The following NSA2 variants were observed in gnomAD, a reference collection of about 807,000 sequenced individuals.
NSA2 encodes ribosome biogenesis protein NSA2 homolog.
In NSA2, 18 loss-of-function variants were observed where a neutral mutation model predicts 34.8. The ratio of observed to expected loss-of-function variants is 0.52; its 90% CI spans 0.36 to 0.77. The LOEUF (loss-of-function observed/expected upper bound fraction) is 0.77. Ranked by LOEUF, NSA2 falls within the 30% of genes least tolerant of loss-of-function variation. The pLI, the probability that NSA2 is intolerant of heterozygous loss-of-function variation, is 0.00. For missense variants in NSA2, 188 were observed against 314.7 expected, an observed-to-expected ratio of 0.60 and a Z score of 3.05; for synonymous variants, 79 against 100.2, an observed-to-expected ratio of 0.79 and a Z score of 1.26.
rs1243510782 is a variant in NSA2, at chr5:74,769,055, T to C, written c.128T>C (p.Ile43Thr). 2 of 1,612,302 alleles carry C rather than the reference T, an allele frequency of 1.2e-6. No individual in the cohort carries two copies. Among genetic ancestry groups the C allele is most frequent in the East Asian group, 2.2e-5 (1 of 44,864 alleles). The part of the protein sequence containing the change: ...HERSKKAKKM[I>T]GLKAKLYHKQ... The stretch of plus-strand genomic sequence containing the variant: ...CGTTCAAAGAAGGCAAAGAAAATGA[T>C]TGGTCTGAAGGCTAAGCTTTACCAT... The change falls in exon 2 of 6, where the codon ATT (isoleucine) becomes ACT (threonine). Residue 43 changes from isoleucine (I) to threonine (T), a missense_variant. Ile to Thr is a moderately conservative substitution (Grantham distance 89). Coordinates refer to ENST00000610426, the MANE Select transcript of NSA2 (RefSeq NM_014886.6).
chr5:74,776,587 G>C lies in NSA2; in HGVS notation c.716-17G>C, dbSNP rs755276767. On this transcript the variant is annotated splice_polypyrimidine_tract_variant and intron_variant, in intron 5 of 5. Coordinates refer to ENST00000610426, the MANE Select transcript of NSA2 (RefSeq NM_014886.6). Reference sequence around the variant, plus strand: ...AACAACCCTCCCTTTTCCCTTTTTTGGTTTTGTTTTCCTTAGGAAAATATG... The same window carrying C: ...AACAACCCTCCCTTTTCCCTTTTTTCGTTTTGTTTTCCTTAGGAAAATATG... The C allele has an allele frequency of 7.1e-7, 1 of 1,410,250 alleles. No individual in the cohort carries two copies. Among genetic ancestry groups the C allele is most frequent in the Non-Finnish European group, 1.0e-6 (1 of 999,806 alleles). 87.4% of individuals were successfully genotyped at this position (1,410,250 alleles called of 1,614,324 possible).
intron 4 of NSA2, among the ~76,000 whole-genome samples, chr5:74,772,563 A>C (rs1460549801): frequency 6.6e-6 from 1 of 152,238 alleles, no homozygotes; most frequent in Non-Finnish European, 1.5e-5. Flanking sequence ...CAGAGGCCAT[A>C]TGGCCTGACA....
In NSA2 at chr5:74,774,190, A is replaced by G; in HGVS notation, c.715+130A>G. 5.5e-6 allele frequency: 3 copies of G among 547,572 alleles called. No homozygotes were observed. In the South Asian group the frequency reaches 1.1e-4, roughly 20 times the overall value. 33.9% of individuals were successfully genotyped at this position (547,572 alleles called of 1,614,324 possible). A position where few individuals can be genotyped will look rare whatever the true frequency, so the allele number is the denominator to read the frequency against. On this transcript the variant is annotated intron_variant, in intron 5 of 5. Coordinates refer to ENST00000610426, the MANE Select transcript of NSA2 (RefSeq NM_014886.6). ...GTAGAGCTAAAACACTGTAAATCAG[A>G]TGTAAATATTTAGTAAAAAATACTT...
Position 74,773,913 on chromosome 5 carries a change from G to C in NSA2, c.568G>C (p.Ala190Pro), listed in dbSNP as rs140759929. ...KAHVTHPELK[A>P]TFCLPILGVK... ...CCATGTAACACATCCTGAACTGAAA[G>C]CCACCTTTTGCCTACCAATACTTGG... Residue 190 changes from alanine (A) to proline (P), a missense_variant, in exon 5 of 6, where the codon GCC becomes CCC. Physicochemically the swap from Ala to Pro is conservative, Grantham distance 27. Transcript: ENST00000610426. 1 of 1,613,758 alleles carries C rather than the reference G, an allele frequency of 6.2e-7. No homozygotes were observed. The highest frequency in any genetic ancestry group is 1.3e-5 in the African/African-American group (1 of 74,902).
chr5:74,774,641 A>T (rs967421000), intron 5 of NSA2, among the ~76,000 whole-genome samples: 1 of 152,180 alleles, frequency 6.6e-6, no homozygotes, highest in African/African-American at 2.4e-5. Flanking sequence ...AAAAATTATT[A>T]TAAGGGAAGC....
At chr5:74,776,469 C>G (rs1414302775) in intron 5 of NSA2, 135 bp from the exon 6 acceptor site, 1 of 604,198 alleles carries the variant, frequency 1.7e-6, no homozygotes, top group Admixed American at 2.7e-5. Flanking sequence ...CGCCACCACA[C>G]TGCAGCCTGG....
chr5:74,778,090 T>C lies in NSA2; in HGVS notation c.*1419T>C, dbSNP rs1745211933. ...AAAAATACTGACTCCAGGTAATTTC[T>C]GGATACTACAAAAATGAAGTTTGCT... On this transcript the variant is annotated 3_prime_UTR_variant, in exon 6 of 6. Coordinates refer to ENST00000610426, the MANE Select transcript of NSA2 (RefSeq NM_014886.6). The C allele has an allele frequency of 6.6e-6, 1 of 152,074 alleles. No homozygotes were observed. The highest frequency in any genetic ancestry group is 2.4e-5 in the African/African-American group (1 of 41,448). The allele number at this position is 152,074 out of a possible 1,614,324, so 9.4% of individuals were successfully genotyped here.
chr5:74,773,817 A>C, intron 4 of NSA2, 51 bp from the exon 5 acceptor site: 1 of 1,455,556 alleles, frequency 6.9e-7, no homozygotes, highest in South Asian at 1.3e-5. Flanking sequence ...ACTACTCATC[A>C]CTGTTAACAT....
In NSA2 at chr5:74,777,215, ATTT is replaced by A. The variant is rs988087918; in HGVS notation, c.*549_*551del. On this transcript the variant is annotated 3_prime_UTR_variant, in exon 6 of 6. Transcript: ENST00000610426. ...GGTCTAGTGAATTCACATTCTAAAC[ATTT>A]TTTTCATCTCATTTACCATGTATAA... The A allele has an allele frequency of 6.6e-6, 1 of 152,062 alleles. No individual in the cohort carries two copies. The highest frequency in any genetic ancestry group is 2.4e-5 in the African/African-American group (1 of 41,406). The allele number at this position is 152,062 out of a possible 1,614,324, so 9.4% of individuals were successfully genotyped here.
chr5:74,771,889 T>C (rs1386595412), intron 4 of NSA2, among the ~76,000 whole-genome samples: 1 of 148,586 alleles, frequency 6.7e-6, no homozygotes, highest in Non-Finnish European at 1.5e-5. Context: ...AAAAAGAAAA[T>C]CTTTGAAAAA....
intron 3 of NSA2, chr5:74,769,592 G>C (rs540218087): frequency 1.1e-3 from 404 of 378,292 alleles, no homozygotes; most frequent in Non-Finnish European, 1.7e-3. Flanking sequence ...AAATTAAAAA[G>C]CTGGTAAGGA....
chr5:74,773,470 CAAAAAAA>C (rs768356175), intron 4 of NSA2, among the ~76,000 whole-genome samples: 209 of 99,010 alleles, frequency 2.1e-3, no homozygotes, highest in African/African-American at 6.4e-3. Context: ...CCATCTCTAC[CAAAAAAA>C]AAAAAAAAAA....
intron 5 of NSA2, 71 bp from the exon 6 acceptor site, chr5:74,776,533 A>T (rs1047801486): frequency 3.7e-6 from 3 of 819,482 alleles, no homozygotes; most frequent in Admixed American, 3.8e-5. Context: ...GGCAAAAGTT[A>T]TATTCTTTAA....
intron 5 of NSA2, 90 bp from the exon 6 acceptor site, chr5:74,776,510 AAAAG>A: frequency 2.8e-6 from 2 of 705,308 alleles, no homozygotes; most frequent in Middle Eastern, 2.5e-4. Flanking sequence ...TATTAAGACA[AAAAG>A]AAAAAAAAGG....
intron 5 of NSA2, among the ~76,000 whole-genome samples, chr5:74,774,391 C>T (rs1446527104): frequency 6.6e-6 from 1 of 152,104 alleles, no homozygotes; most frequent in South Asian, 2.1e-4. Context: ...CACCTGAAGT[C>T]AGGAGTTTGA....
intron 5 of NSA2, 48 bp from the exon 6 acceptor site, chr5:74,776,556 T>C (rs1172121489): frequency 1.1e-6 from 1 of 915,730 alleles, no homozygotes; most frequent in South Asian, 1.4e-5. Context: ...TTAATTTTTA[T>C]TAGCTAACAA....
rs1267067121 is a variant in NSA2, at chr5:74,778,707, TGAAA to T, written c.*2040_*2043del. ...GTCTAGCAATTGAATAATTTAAACT[TGAAA>T]GAACTAAAATACTAATAACCATCTG... On this transcript the variant is annotated 3_prime_UTR_variant, in exon 6 of 6. Transcript: ENST00000610426. 2 of 152,062 alleles carry T rather than the reference TGAAA, an allele frequency of 1.3e-5. No individual in the cohort carries two copies. Among genetic ancestry groups the T allele is most frequent in the African/African-American group, 2.4e-5 (1 of 41,440 alleles). 9.4% of individuals were successfully genotyped at this position (152,062 alleles called of 1,614,324 possible).
In NSA2 at chr5:74,767,257, C is replaced by A; in HGVS notation, c.-104C>A. On this transcript the variant is annotated 5_prime_UTR_variant, in exon 1 of 6. It adds an upstream start codon to the 5' untranslated region. Transcript: ENST00000610426. ...GGCCGTTTTAAAGGGTGACTCTTTC[C>A]TGTCCCGGCCTGCGTGGTGTGGGCT... 1 of 1,422,480 alleles carries A rather than the reference C, an allele frequency of 7.0e-7. No individual in the cohort carries two copies. The highest frequency in any genetic ancestry group is 1.2e-5 in the South Asian group (1 of 86,076). 88.1% of individuals were successfully genotyped at this position (1,422,480 alleles called of 1,614,324 possible).
chr5:74,777,940 C>T lies in NSA2; in HGVS notation c.*1269C>T, dbSNP rs892223481. Reference sequence around the variant, plus strand: ...AGAAAGGCTAGTTCCTTGGAAATGACGATCCAGGATGATACAATCACTTGA... The same window carrying T: ...AGAAAGGCTAGTTCCTTGGAAATGATGATCCAGGATGATACAATCACTTGA... On this transcript the variant is annotated 3_prime_UTR_variant, in exon 6 of 6. Transcript: ENST00000610426. 6.6e-5 allele frequency: 10 copies of T among 151,952 alleles called. No homozygotes were observed. The highest frequency in any genetic ancestry group is 2.2e-4 in the African/African-American group (9 of 41,398). 9.4% of individuals were successfully genotyped at this position (151,952 alleles called of 1,614,324 possible). A position where few individuals can be genotyped will look rare whatever the true frequency, so the allele number is the denominator to read the frequency against.
Sources: allele counts gnomAD v4.1 joint callset (sites outside exome capture counted in the v4.1 genomes callset), GRCh38; gene constraint gnomAD v4.1.1; transcripts MANE v1.5; gene names NCBI Gene and HGNC (gene_info 2026-07-23, HGNC 2026-07-21).